The following C11orf54 variants were observed in gnomAD, a reference collection of about 807,000 sequenced individuals.
C11orf54 encodes the protein beta-keto-L-gulonate decarboxylase, also known as beta-keto L-gulonate decarboxylase.
A neutral mutation model predicts 35.5 loss-of-function variants in C11orf54; 29 were observed. The observed-to-expected ratio is 0.82, with a 90% CI of 0.61 to 1.11. C11orf54 has a LOEUF of 1.11. Ranked by LOEUF, C11orf54 falls within the 50% of genes most tolerant of loss-of-function variation. C11orf54 has a pLI of 0.00. For synonymous variants in C11orf54, 108 were observed against 121.1 expected (o/e 0.89, Z 0.71); for missense variants, 373 against 369.2 (o/e 1.01, Z -0.08).
intron 3 of C11orf54, among the ~76,000 whole-genome samples, chr11:93,752,320 A>T (rs1317165578): frequency 6.6e-6 from 1 of 152,132 alleles, no homozygotes; most frequent in African/African-American, 2.4e-5. Context: ...CAACATGGTG[A>T]AACCCAATCT....
Position 93,750,429 on chromosome 11 carries a change from A to T in C11orf54, c.139A>T (p.Thr47Ser). The change falls in exon 3 of 9, where the codon ACC becomes TCC. Residue 47 changes from threonine to serine, a missense_variant. Physicochemically the swap from Thr to Ser is moderately conservative, Grantham distance 58 (BLOSUM62 1). Transcript: ENST00000354421. ...CCCTGATTTGACTAAGGAACCCTTT[A>T]CCTTTCCTGTAAAAGGTAAGCAATT... is the stretch of plus-strand genomic sequence containing the variant. The part of the protein sequence containing the change: ...DCPDLTKEPF[T>S]FPVKGICGKT... 6.2e-7 allele frequency: 1 copy of T among 1,613,182 alleles called. No homozygotes were observed. Among genetic ancestry groups the T allele is most frequent in the Non-Finnish European group, 8.5e-7 (1 of 1,179,546 alleles).
chr11:93,742,360 C>G lies in C11orf54; in HGVS notation c.-98+632C>G, dbSNP rs536641276. On this transcript the variant is annotated intron_variant, in intron 1 of 8. Coordinates refer to ENST00000354421, the MANE Select transcript of C11orf54 (RefSeq NM_001286069.2). Reference sequence around the variant, plus strand: ...GTGCAACGGTGCGATCTTGGCTCACCGCAACATCTGCTTCCCGGGTTCAAG... The same window carrying G: ...GTGCAACGGTGCGATCTTGGCTCACGGCAACATCTGCTTCCCGGGTTCAAG... Among the ~76,000 whole-genome samples the G allele has an allele frequency of 5.5e-3, 831 of 151,816 alleles. 10 individuals carry two copies. Among genetic ancestry groups the G allele is most frequent in the Non-Finnish European group, 8.8e-3 (598 of 67,932 alleles).
intron 5 of C11orf54, chr11:93,754,791 T>G (rs1943041695): frequency 7.2e-6 from 1 of 139,204 alleles, no homozygotes; most frequent in Non-Finnish European, 1.5e-5. Flanking sequence ...TGGAGTGCAG[T>G]GGCGCGATCT....
intron 5 of C11orf54, among the ~76,000 whole-genome samples, chr11:93,754,450 C>G (rs923325710): frequency 2.0e-5 from 3 of 152,136 alleles, no homozygotes; most frequent in Non-Finnish European, 2.9e-5. Context: ...AGGAAACTAT[C>G]ACAATAGTAT....
Position 93,749,504 on chromosome 11 carries a change from C to CAAAAA in C11orf54, c.56-823_56-819dup, listed in dbSNP as rs10624807. ...AGGCTATCAGAGTGAGACTCTGTCT[C>CAAAAA]AAAAAAAAAAAAAAAAAAAAAAACT... is the stretch of plus-strand genomic sequence containing the variant. On this transcript the variant is annotated intron_variant, in intron 2 of 8. Transcript: ENST00000354421. Among the ~76,000 whole-genome samples, 14 of 71,704 alleles carry CAAAAA rather than the reference C, an allele frequency of 2.0e-4. 1 individual carries two copies. The highest frequency in any genetic ancestry group is 0.011 in the Middle Eastern group (1 of 94). The allele number at this position is 71,704 out of a possible 152,430, so 47.0% of individuals were successfully genotyped here. A position where few individuals can be genotyped will look rare whatever the true frequency, so the allele number is the denominator to read the frequency against.
intron 5 of C11orf54, 82 bp from the exon 6 acceptor site, chr11:93,755,128 G>T: frequency 7.4e-7 from 1 of 1,359,474 alleles, no homozygotes; most frequent in Non-Finnish European, 1.0e-6. Context: ...GTCTTAAAAG[G>T]ATTAAATGTT....
At chr11:93,756,375 C>T (rs1235956428) in intron 6 of C11orf54, among the ~76,000 whole-genome samples, 2 of 148,712 alleles carry the variant, frequency 1.3e-5, no homozygotes, top group African/African-American at 5.0e-5. Flanking sequence ...TGCCTATAGT[C>T]CTAGCTACTC....
rs773069767 is a variant in C11orf54 at position 93,747,420 on chromosome 11, T to C, written c.27T>C (p.His9=). 1.2e-6 allele frequency: 2 copies of C among 1,601,422 alleles called. No individual in the cohort carries two copies. The highest frequency in any genetic ancestry group is 2.3e-5 in the South Asian group (2 of 88,792). The change falls in exon 2 of 9, where the codon CAT becomes CAC. Residue 9 remains histidine (H), a synonymous_variant. Coordinates refer to ENST00000354421, the MANE Select transcript of C11orf54 (RefSeq NM_001286069.2). The stretch of plus-strand genomic sequence containing the variant: ...TGGCTTGTGCTGAGTTTTCTTTTCA[T>C]GTACCAAGTCTTGAAGAGCTTGCTG... MACAEFSF[H]VPSLEELAGV...
chr11:93,742,997 C>A (rs1055188101), intron 1 of C11orf54: 1 of 151,872 alleles, frequency 6.6e-6, no homozygotes, highest in African/African-American at 2.4e-5. Flanking sequence ...TGTATTTTTT[C>A]TTTTTTCTTT....
At position 93,753,978 on chromosome 11, in the gene C11orf54, G is replaced by A. The variant is rs1245581857; in HGVS notation, c.271G>A (p.Gly91Arg). Reference sequence around the variant, plus strand: ...AATTGCAAAAGAAATCAAGCTGCCTGGAGCCTTTATTCTTGGAGCAGGAGC... The same window carrying A: ...AATTGCAAAAGAAATCAAGCTGCCTAGAGCCTTTATTCTTGGAGCAGGAGC... ...NKIAKEIKLPGAFILGAGAGP... is the reference protein window; with the variant it reads ...NKIAKEIKLPRAFILGAGAGP... Residue 91 changes from glycine (G) to arginine (R), a missense_variant, in exon 5 of 9, where the codon GGA becomes AGA. Physicochemically the swap from Gly to Arg is moderately radical, Grantham distance 125 (BLOSUM62 -2). Transcript: ENST00000354421. The A allele has an allele frequency of 1.2e-6, 2 of 1,614,086 alleles. No homozygotes were observed. The highest frequency in any genetic ancestry group is 2.2e-5 in the East Asian group (1 of 44,864).
In C11orf54 at chr11:93,757,429, C is replaced by A. The variant is rs757003757; in HGVS notation, c.621C>A (p.Phe207Leu). The A allele has an allele frequency of 1.9e-6, 3 of 1,597,862 alleles. No homozygotes were observed. The African/African-American group carries it at 4.0e-5, about 21-fold the overall frequency. ...GNKPIGMGGT[F>L]IIQKGKVKSH... Reference sequence around the variant, plus strand: ...AGCCTATAGGAATGGGAGGTACTTTCATAATTCAGAAGGGAAAAGTGAAGT... The same window carrying A: ...AGCCTATAGGAATGGGAGGTACTTTAATAATTCAGAAGGGAAAAGTGAAGT... The change falls in exon 7 of 9, where the codon TTC (phenylalanine) becomes TTA (leucine). Residue 207 changes from phenylalanine to leucine, a missense_variant. Transcript: ENST00000354421.
At chr11:93,758,645 C>G (rs1943294262) in intron 7 of C11orf54, among the ~76,000 whole-genome samples, 1 of 152,256 alleles carries the variant, frequency 6.6e-6, no homozygotes, top group Admixed American at 6.5e-5. Flanking sequence ...TGCACACGCT[C>G]AGGGCACTGC....
chr11:93,747,238 G>C, intron 1 of C11orf54, 59 bp from the exon 2 acceptor site: 1 of 438,000 alleles, frequency 2.3e-6, no homozygotes. Context: ...TATGAAGATA[G>C]AAACCTAAAT....
intron 3 of C11orf54, among the ~76,000 whole-genome samples, chr11:93,752,976 G>A (rs890765642): frequency 2.0e-5 from 3 of 151,886 alleles, no homozygotes; most frequent in Non-Finnish European, 4.4e-5. Context: ...GCGATCTCCT[G>A]ACCTCGTGAT....
intron 1 of C11orf54, chr11:93,746,976 A>G (rs367877529): frequency 6.6e-6 from 1 of 152,584 alleles, no homozygotes; most frequent in East Asian, 1.9e-4. Context: ...CACTCCAGCT[A>G]TATGATATTT....
At chr11:93,752,568 T>C (rs956175680) in intron 3 of C11orf54, among the ~76,000 whole-genome samples, 4 of 152,158 alleles carry the variant, frequency 2.6e-5, no homozygotes, top group African/African-American at 9.7e-5. Context: ...TTCCATATTT[T>C]CCTGGTTCCT....
intron 1 of C11orf54, 42 bp downstream of exon 1, chr11:93,741,770 C>T (rs900302433): frequency 9.8e-6 from 3 of 305,430 alleles, no homozygotes; most frequent in African/African-American, 6.7e-5. Flanking sequence ...ATAACAAAAA[C>T]AAAACGTGCG....
At chr11:93,755,163 C>T (rs1565268563) in intron 5 of C11orf54, 47 bp from the exon 6 acceptor site, 2 of 1,564,310 alleles carry the variant, frequency 1.3e-6, no homozygotes, top group Admixed American at 1.7e-5. Flanking sequence ...AAGATATTCT[C>T]TTTGCAGAGA....
Position 93,761,665 on chromosome 11 carries a change from A to G in C11orf54, c.925A>G (p.Thr309Ala), listed in dbSNP as rs775213180. The change falls in exon 9 of 9, where the codon ACG becomes GCG. Residue 309 changes from threonine (T) to alanine (A), a missense_variant. Coordinates refer to ENST00000354421, the MANE Select transcript of C11orf54 (RefSeq NM_001286069.2). ...FLYRIDQPKETHSIGRD is the reference protein window; with the variant it reads ...FLYRIDQPKEAHSIGRD ...CTATCGCATTGATCAACCAAAAGAG[A>G]CGCATTCAATTGGGCGAGATTAAAT... 1.9e-6 allele frequency: 3 copies of G among 1,604,130 alleles called. No homozygotes were observed. The South Asian group carries it at 3.4e-5, about 18-fold the overall frequency.
Sources: allele counts gnomAD v4.1 joint callset (sites outside exome capture counted in the v4.1 genomes callset), GRCh38; gene constraint gnomAD v4.1.1; transcripts MANE v1.5; gene names NCBI Gene and HGNC (gene_info 2026-07-23, HGNC 2026-07-21).